CTNNA3: variants seen among roughly 807,000 people sequenced by gnomAD.
CTNNA3 encodes catenin alpha 3.
In CTNNA3, 76 loss-of-function variants were observed where a neutral mutation model predicts 95.7. The observed-to-expected ratio is 0.79, with a 90% confidence interval of 0.66 to 0.96. The LOEUF is 0.96. CTNNA3 is among the 40% of genes least tolerant of loss of function. CTNNA3 has a pLI of 0.00. For synonymous variants in CTNNA3, 431 were observed against 374.4 expected (o/e 1.15, Z -1.74); for missense variants, 1,191 against 1,089.8 (o/e 1.09, Z -1.31).
At chr10:65,988,891 C>A in intron 15 of CTNNA3, 94 bp from the exon 16 acceptor site, 2 of 793,516 alleles carry the variant, frequency 2.5e-6, no homozygotes, top group Non-Finnish European at 2.1e-6. Context: ...ATCTATGCGT[C>A]CATCCATCCG....
chr10:66,963,879 T>C (rs573696166), intron 7 of CTNNA3, among the ~76,000 whole-genome samples: 1 of 151,784 alleles, frequency 6.6e-6, no homozygotes, highest in Non-Finnish European at 1.5e-5. Context: ...AGTCTTGCTC[T>C]GTTGCCAGGC....
At chr10:66,529,758 A>T (rs1309874957) in intron 10 of CTNNA3, among the ~76,000 whole-genome samples, 3 of 152,136 alleles carry the variant, frequency 2.0e-5, no homozygotes, top group African/African-American at 7.2e-5. Flanking sequence ...CAATGTGCTG[A>T]CAAGACAATG....
intron 12 of CTNNA3, among the ~76,000 whole-genome samples, chr10:66,306,219 A>G (rs1589059578): frequency 6.6e-6 from 1 of 152,236 alleles, no homozygotes; most frequent in Non-Finnish European, 1.5e-5. Flanking sequence ...ACTGGCCATC[A>G]GCCACCTGGA....
At chr10:66,764,995 C>A (rs1839781997) in intron 9 of CTNNA3, among the ~76,000 whole-genome samples, 1 of 152,130 alleles carries the variant, frequency 6.6e-6, no homozygotes, top group South Asian at 2.1e-4. Context: ...TTATTTACAT[C>A]TAAGGCCAAT....
intron 7 of CTNNA3, among the ~76,000 whole-genome samples, chr10:67,148,025 C>A (rs899962159): frequency 5.3e-5 from 8 of 152,160 alleles, no homozygotes; most frequent in African/African-American, 1.9e-4. Flanking sequence ...GACCTAACAG[C>A]ATCTGAAGCT....
intron 4 of CTNNA3, among the ~76,000 whole-genome samples, chr10:67,538,157 T>TAAAAAAAAAAAAA (rs1176919938): frequency 4.9e-4 from 29 of 59,172 alleles, no homozygotes; most frequent in African/African-American, 1.0e-3. Context: ...CTACTTAAAC[T>TAAAAAAAAAAAAA]AAAAAAAAAA....
At chr10:66,177,087 T>C (rs1286876222) in intron 13 of CTNNA3, among the ~76,000 whole-genome samples, 3 of 152,102 alleles carry the variant, frequency 2.0e-5, no homozygotes, top group Non-Finnish European at 2.9e-5. Flanking sequence ...AGAATAAACA[T>C]GCACCCACGC....
rs141575651 is a variant in CTNNA3 at position 66,951,914 on chromosome 10, C to G, written c.1048-176390G>C. ...AGTCCAGCCCTAAAATAACAGTGAA[C>G]CTTCATCTTTAATGGACATAAGACC... On this transcript the variant is annotated intron_variant, in intron 7 of 17. Coordinates refer to ENST00000433211, the MANE Select transcript of CTNNA3 (RefSeq NM_013266.4). Among the ~76,000 whole-genome samples the G allele has an allele frequency of 2.6e-3, 398 of 152,236 alleles. 4 individuals are homozygous for G. The highest frequency in any genetic ancestry group is 9.4e-3 in the African/African-American group (390 of 41,548).
intron 10 of CTNNA3, among the ~76,000 whole-genome samples, chr10:66,549,202 G>A (rs1842138570): frequency 6.6e-6 from 1 of 151,658 alleles, no homozygotes; most frequent in African/African-American, 2.4e-5. Flanking sequence ...CACCTTGTTA[G>A]CCAGGATGCT....
At chr10:67,556,714 T>A (rs1841271105) in intron 3 of CTNNA3, among the ~76,000 whole-genome samples, 2 of 152,216 alleles carry the variant, frequency 1.3e-5, no homozygotes, top group Admixed American at 1.3e-4. Context: ...AGCTCCTGGA[T>A]TCATTGATTT....
intron 11 of CTNNA3, among the ~76,000 whole-genome samples, chr10:66,444,714 A>G (rs1268447054): frequency 6.6e-6 from 1 of 152,244 alleles, no homozygotes; most frequent in African/African-American, 2.4e-5. Context: ...CAGCCACTGC[A>G]AAAACATACC....
intron 7 of CTNNA3, among the ~76,000 whole-genome samples, chr10:66,887,802 GC>G (rs1485048611): frequency 6.6e-5 from 10 of 152,138 alleles, no homozygotes; most frequent in African/African-American, 2.2e-4. Context: ...TAGGAGGAAG[GC>G]CCAGGAAATG....
At chr10:67,390,315 T>G (rs936180567) in intron 5 of CTNNA3, among the ~76,000 whole-genome samples, 2 of 152,136 alleles carry the variant, frequency 1.3e-5, no homozygotes, top group Non-Finnish European at 2.9e-5. Flanking sequence ...AAGAAATGGA[T>G]AAATTCCTCG....
chr10:66,697,474 T>A (rs1390477356), intron 9 of CTNNA3, among the ~76,000 whole-genome samples: 1 of 151,912 alleles, frequency 6.6e-6, no homozygotes, highest in African/African-American at 2.4e-5. Flanking sequence ...TATATATGTA[T>A]GTATATGTGT....
At chr10:66,385,493 G>A (rs531476646) in intron 11 of CTNNA3, among the ~76,000 whole-genome samples, 1 of 152,246 alleles carries the variant, frequency 6.6e-6, no homozygotes, top group South Asian at 2.1e-4. Flanking sequence ...AGGATTCACA[G>A]CCAAATTCTA....
chr10:67,569,942 A>G (rs1488151061), intron 3 of CTNNA3, among the ~76,000 whole-genome samples: 1 of 151,728 alleles, frequency 6.6e-6, no homozygotes, highest in East Asian at 1.9e-4. Flanking sequence ...TAGCATGTTC[A>G]TTTACCTTCC....
chr10:67,668,245 ACT>A (rs1303844387), intron 1 of CTNNA3, among the ~76,000 whole-genome samples: 3 of 136,730 alleles, frequency 2.2e-5, no homozygotes, highest in Admixed American at 1.4e-4. Context: ...GTGAATAGAT[ACT>A]ACTTACTTAA....
intron 7 of CTNNA3, among the ~76,000 whole-genome samples, chr10:67,087,441 G>T (rs1857368380): frequency 6.6e-6 from 1 of 151,298 alleles, no homozygotes; most frequent in African/African-American, 2.4e-5. Flanking sequence ...CCAAATTAAG[G>T]GATGATTATC....
At chr10:66,627,242 C>T (rs1844968343) in intron 9 of CTNNA3, among the ~76,000 whole-genome samples, 1 of 152,060 alleles carries the variant, frequency 6.6e-6, no homozygotes, top group Admixed American at 6.6e-5. Context: ...ATCCATTCCT[C>T]CCTTTGGTAA....
Sources: allele counts gnomAD v4.1 joint callset (sites outside exome capture counted in the v4.1 genomes callset), GRCh38; gene constraint gnomAD v4.1.1; transcripts MANE v1.5; gene names NCBI Gene and HGNC (gene_info 2026-07-23, HGNC 2026-07-21).